Variants in MARCHF10 observed in about 807,000 individuals in gnomAD.
The protein encoded by MARCHF10 is membrane associated ring-CH-type finger 10.
A neutral mutation model predicts 76.2 loss-of-function variants in MARCHF10; 64 were observed. That is an observed-to-expected ratio of 0.84 (90% confidence interval 0.69 to 1.03). The LOEUF is 1.03. Ranked by LOEUF, MARCHF10 falls within the 50% of genes least tolerant of loss-of-function variation. The pLI is 0.00. For missense variants in MARCHF10, 875 were observed against 958.0 expected (o/e 0.91, Z 1.14); for synonymous variants, 340 against 357.5 (o/e 0.95, Z 0.55).
At chr17:62,803,038 A>G (rs2093102712) in intron 1 of MARCHF10, among the ~76,000 whole-genome samples, 1 of 152,166 alleles carries the variant, frequency 6.6e-6, no homozygotes, top group Non-Finnish European at 1.5e-5. Context: ...CTCACTGGGT[A>G]TAGTGGCTCA....
intron 8 of MARCHF10, chr17:62,714,316 G>T: frequency 1.2e-6 from 1 of 840,680 alleles, no homozygotes; most frequent in Non-Finnish European, 1.4e-6. Context: ...TTTTAACTGT[G>T]CAGGACCAAA....
At chr17:62,782,472 C>T (rs944346792) in intron 3 of MARCHF10, among the ~76,000 whole-genome samples, 10 of 151,698 alleles carry the variant, frequency 6.6e-5, no homozygotes, top group Admixed American at 5.9e-4. Context: ...CTCAGCCTCC[C>T]AAGTAGCTGG....
At chr17:62,702,871 C>T (rs570758479) in intron 10 of MARCHF10, among the ~76,000 whole-genome samples, 1 of 152,320 alleles carries the variant, frequency 6.6e-6, no homozygotes, top group African/African-American at 2.4e-5. Context: ...AGCCAGTAGC[C>T]TTGACTGGGT....
intron 6 of MARCHF10, 60 bp downstream of exon 6, chr17:62,735,871 G>T: frequency 6.7e-7 from 1 of 1,491,334 alleles, no homozygotes. Flanking sequence ...TCTAACGAAA[G>T]CAATGCTAAT....
At chr17:62,800,941 G>A (rs536338425) in intron 2 of MARCHF10, among the ~76,000 whole-genome samples, 30 of 152,248 alleles carry the variant, frequency 2.0e-4, no homozygotes, top group African/African-American at 7.0e-4. Flanking sequence ...GGATGACAAC[G>A]AAGGGCGTGT....
Position 62,795,033 on chromosome 17 carries a change from CAGG to C in MARCHF10, c.91-6437_91-6435del, listed in dbSNP as rs1423851028. 6 of 985,154 alleles carry C rather than the reference CAGG, an allele frequency of 6.1e-6. No homozygotes were observed. In the African/African-American group the frequency reaches 1.0e-4, roughly 17 times the overall value. The allele number at this position is 985,154 out of a possible 1,614,324, so 61.0% of individuals were successfully genotyped here. A position where few individuals can be genotyped will look rare whatever the true frequency, so the allele number is the denominator to read the frequency against. On this transcript the variant is annotated intron_variant, in intron 2 of 10. Transcript: ENST00000311269. ...AGCAACACATACCTCAAAGGTGAGC[CAGG>C]AGGAGAATCCCTCACCTCCGTCCCT...
At chr17:62,803,992 G>A (rs1300556225) in intron 1 of MARCHF10, among the ~76,000 whole-genome samples, 1 of 152,224 alleles carries the variant, frequency 6.6e-6, no homozygotes, top group Non-Finnish European at 1.5e-5. Context: ...TACGGAGCTA[G>A]TGAGGGGAAG....
At chr17:62,765,695 G>A (rs970554797) in intron 3 of MARCHF10, among the ~76,000 whole-genome samples, 6 of 152,182 alleles carry the variant, frequency 3.9e-5, no homozygotes, top group Non-Finnish European at 7.3e-5. Flanking sequence ...TGGCAAGCAG[G>A]ACGTGCTAGG....
intron 4 of MARCHF10, among the ~76,000 whole-genome samples, chr17:62,749,567 G>A (rs896638076): frequency 3.3e-5 from 5 of 152,188 alleles, no homozygotes; most frequent in African/African-American, 7.2e-5. Flanking sequence ...ATAATAGGTC[G>A]CGTCTATTTG....
chr17:62,788,533 GC>G lies in MARCHF10; in HGVS notation c.156del (p.Gln53LysfsTer26), dbSNP rs1568211613. The G allele has an allele frequency of 1.2e-6, 2 of 1,613,930 alleles. No individual in the cohort carries two copies. The highest frequency in any genetic ancestry group is 1.7e-6 in the Non-Finnish European group (2 of 1,180,020). On this transcript the variant is annotated frameshift_variant, in exon 3 of 11. Transcript: ENST00000311269. LOFTEE classifies it high-confidence loss of function. ...PNEKKRDQFW[G>X]QETSFERSRF... ...CGGGATCTCTCAAAACTTGTCTCTT[GC>G]CCCCAAAACTGATCGCGTTTCTTCT...
intron 4 of MARCHF10, among the ~76,000 whole-genome samples, chr17:62,757,045 TTACA>T (rs2092066046): frequency 6.6e-6 from 1 of 152,206 alleles, no homozygotes; most frequent in Non-Finnish European, 1.5e-5. Context: ...AGATGGCAGA[TTACA>T]TACAAAGAAA....
intron 4 of MARCHF10, chr17:62,750,503 T>A (rs1437598927): frequency 6.5e-6 from 1 of 152,722 alleles, no homozygotes; most frequent in Non-Finnish European, 1.5e-5. Flanking sequence ...AGGGGTGTAT[T>A]CAACACAGAA....
At chr17:62,761,146 G>T (rs1274064659) in intron 3 of MARCHF10, among the ~76,000 whole-genome samples, 1 of 152,184 alleles carries the variant, frequency 6.6e-6, no homozygotes, top group Non-Finnish European at 1.5e-5. Context: ...CTTCTGTAAA[G>T]AAGTCTACAT....
chr17:62,791,492 A>C (rs1484427000), intron 2 of MARCHF10, among the ~76,000 whole-genome samples: 1 of 152,210 alleles, frequency 6.6e-6, no homozygotes, highest in Non-Finnish European at 1.5e-5. Context: ...ATATTTCTTT[A>C]CCAAAAGGGG....
intron 1 of MARCHF10, among the ~76,000 whole-genome samples, chr17:62,802,140 G>A (rs76928116): frequency 0.031 from 4,713 of 152,286 alleles, 136 homozygotes; most frequent in Non-Finnish European, 0.043. Flanking sequence ...AACAATGATT[G>A]CACCGTTATT....
At chr17:62,770,270 T>C (rs2092418112) in intron 3 of MARCHF10, among the ~76,000 whole-genome samples, 1 of 152,196 alleles carries the variant, frequency 6.6e-6, no homozygotes, top group African/African-American at 2.4e-5. Flanking sequence ...AATCTACCAT[T>C]GATAGGCACC....
At chr17:62,750,977 C>A (rs1377066293) in intron 4 of MARCHF10, among the ~76,000 whole-genome samples, 1 of 152,130 alleles carries the variant, frequency 6.6e-6, no homozygotes, top group Non-Finnish European at 1.5e-5. Context: ...GTAGTCATGC[C>A]CTGATCTGGC....
At chr17:62,741,120 TTAAG>T (rs544333991) in intron 5 of MARCHF10, among the ~76,000 whole-genome samples, 17 of 152,314 alleles carry the variant, frequency 1.1e-4, no homozygotes, top group African/African-American at 3.1e-4. Flanking sequence ...AGTGAAGAAA[TTAAG>T]TATCTTATTA....
chr17:62,722,277 CAA>C (rs57370093), intron 8 of MARCHF10, among the ~76,000 whole-genome samples: 14,473 of 78,624 alleles, frequency 0.18, 611 homozygotes, highest in African/African-American at 0.33. Context: ...GACTCTGTCT[CAA>C]AAAAAAAAAA....
Sources: gnomAD v4.1 joint callset for allele counts (sites outside exome capture counted in the v4.1 genomes callset) on GRCh38, gnomAD v4.1.1 for gene constraint, MANE v1.5 for transcripts, NCBI Gene and HGNC (gene_info 2026-07-23, HGNC 2026-07-21) for gene names.